EFR3B: variants seen among roughly 807,000 people sequenced by gnomAD.
EFR3B encodes the protein protein EFR3 homolog B.
Under a neutral mutation model 104.7 loss-of-function variants are expected in EFR3B, and 64 were observed. The observed-to-expected ratio is 0.61, with a 90% CI of 0.50 to 0.75. The LOEUF (loss-of-function observed/expected upper bound fraction) is 0.75, where lower values mean the gene tolerates loss of function less well. EFR3B is among the 30% of genes least tolerant of loss of function. The probability of loss-of-function intolerance (pLI) is 0.00; values close to 1 mark genes in which losing one functional copy is unlikely to be tolerated. For missense variants in EFR3B, 750 were observed against 1,078.5 expected, an observed-to-expected ratio of 0.70 and a Z score of 4.27; for synonymous variants, 385 against 417.9, an observed-to-expected ratio of 0.92 and a Z score of 0.96.
intron 1 of EFR3B, among the ~76,000 whole-genome samples, chr2:25,073,758 C>T (rs949674182): frequency 3.3e-5 from 5 of 152,110 alleles, no homozygotes; most frequent in African/African-American, 1.2e-4. Flanking sequence ...GCATGTGTGC[C>T]CCTTTGCTCA....
Position 25,130,583 on chromosome 2 carries a change from A to C in EFR3B, c.802A>C (p.Lys268Gln). The change falls in exon 8 of 23, where the codon AAG becomes CAG. Residue 268 changes from lysine to glutamine, a missense_variant. Transcript: ENST00000403714. This position sits in a 1 kb window ranked among gnomAD's most constrained non-coding sequence, Gnocchi z 4.6. The part of the protein sequence containing the change: ...HLDNHSLWEP[K>Q]VFAIRCFKII... ...GGATAACCATTCTCTTTGGGAACCC[A>C]AGGTGTTTGCCATCCGTTGCTTTAA... 6.4e-7 allele frequency: 1 copy of C among 1,551,708 alleles called. No individual in the cohort carries two copies. Among genetic ancestry groups the C allele is most frequent in the South Asian group, 1.2e-5 (1 of 84,058 alleles).
At chr2:25,045,761 A>G (rs1188034681) in intron 1 of EFR3B, among the ~76,000 whole-genome samples, 2 of 151,472 alleles carry the variant, frequency 1.3e-5, no homozygotes, top group Non-Finnish European at 1.5e-5. Context: ...CCAGCCTGGG[A>G]GACAAGAGCG....
chr2:25,106,723 A>C (rs1047308648), intron 4 of EFR3B, among the ~76,000 whole-genome samples: 2 of 151,720 alleles, frequency 1.3e-5, no homozygotes, highest in South Asian at 4.2e-4. Context: ...GATTACAGGC[A>C]TGAGCTACAG....
intron 1 of EFR3B, among the ~76,000 whole-genome samples, chr2:25,046,253 C>T (rs915935494): frequency 3.9e-4 from 59 of 151,960 alleles, no homozygotes; most frequent in Admixed American, 3.1e-3. Flanking sequence ...GGCATGGTGG[C>T]GTGCACCTGT....
chr2:25,097,681 A>G (rs2149188112), intron 3 of EFR3B, among the ~76,000 whole-genome samples: 1 of 152,324 alleles, frequency 6.6e-6, no homozygotes, highest in African/African-American at 2.4e-5. Context: ...TGGGCATGCA[A>G]TATGATGGGC....
In EFR3B at chr2:25,137,220, C is replaced by A. The variant is rs1670539297; in HGVS notation, c.1561-121C>A. On this transcript the variant is annotated intron_variant, in intron 14 of 22. Transcript: ENST00000403714. This position sits in a 1 kb window ranked among gnomAD's most constrained non-coding sequence, Gnocchi z 4.7. The stretch of plus-strand genomic sequence containing the variant: ...GCCCGCTTTAAAGGCATCCCCTCCC[C>A]AAGGGAGGAGGGGGCACACAGCCAT... 3 of 1,190,452 alleles carry A rather than the reference C, an allele frequency of 2.5e-6. No individual in the cohort carries two copies. The highest frequency in any genetic ancestry group is 3.5e-6 in the Non-Finnish European group (3 of 853,328). The allele number at this position is 1,190,452 out of a possible 1,614,324, so 73.7% of individuals were successfully genotyped here.
intron 16 of EFR3B, among the ~76,000 whole-genome samples, 192 bp downstream of exon 16, chr2:25,139,382 G>T (rs1670601064): frequency 6.6e-6 from 1 of 151,768 alleles, no homozygotes; most frequent in African/African-American, 2.4e-5. Context: ...GCAGGGTGGG[G>T]TTAGGCACAG....
At chr2:25,057,364 G>A (rs984647616) in intron 1 of EFR3B, among the ~76,000 whole-genome samples, 11 of 151,620 alleles carry the variant, frequency 7.3e-5, no homozygotes, top group Admixed American at 7.2e-4. Flanking sequence ...TTTCAGATAA[G>A]TTAAATGCCT....
chr2:25,089,798 C>T (rs528022859), intron 1 of EFR3B, among the ~76,000 whole-genome samples: 5 of 152,274 alleles, frequency 3.3e-5, no homozygotes, highest in South Asian at 2.1e-4. Context: ...GCATGCAGCC[C>T]GCCCACTGGT....
chr2:25,091,714 C>T (rs1042161904), intron 2 of EFR3B, among the ~76,000 whole-genome samples: 3 of 152,252 alleles, frequency 2.0e-5, no homozygotes, highest in Non-Finnish European at 2.9e-5. Flanking sequence ...GTGATTGCCT[C>T]TGGAGCTGCT....
At chr2:25,065,346 AT>A (rs749717958) in intron 1 of EFR3B, among the ~76,000 whole-genome samples, 11,253 of 93,384 alleles carry the variant, frequency 0.12, 525 homozygotes, top group African/African-American at 0.17. Flanking sequence ...ACACCCAGCT[AT>A]TTTTTTTTTT....
In EFR3B at chr2:25,137,623, T is replaced by G. The variant is rs1404342593; in HGVS notation, c.1722+121T>G. On this transcript the variant is annotated intron_variant, in intron 15 of 22. Coordinates refer to ENST00000403714, the MANE Select transcript of EFR3B (RefSeq NM_014971.2). The surrounding 1 kb of genome is among the most constrained non-coding windows in gnomAD (Gnocchi z 4.7). ...ACACTGTTTTGGAGCCCAGGAATAT[T>G]GTACTCGTGGTTGGCCACGCCTCCC... 4.2e-6 allele frequency: 6 copies of G among 1,417,882 alleles called. No homozygotes were observed. Among genetic ancestry groups the G allele is most frequent in the Non-Finnish European group, 5.7e-6 (6 of 1,056,390 alleles). 87.8% of individuals were successfully genotyped at this position (1,417,882 alleles called of 1,614,324 possible).
intron 1 of EFR3B, among the ~76,000 whole-genome samples, chr2:25,066,907 A>C (rs62143002): frequency 6.6e-6 from 1 of 152,204 alleles, no homozygotes; most frequent in African/African-American, 2.4e-5. Flanking sequence ...TGTGTGCTTT[A>C]ACTCCAAGAT....
At chr2:25,127,765 T>C (rs762794070) in intron 5 of EFR3B, among the ~76,000 whole-genome samples, 5 of 152,168 alleles carry the variant, frequency 3.3e-5, no homozygotes, top group Non-Finnish European at 5.9e-5. Flanking sequence ...TGCAGCTCTG[T>C]GCCTCTCCCT....
At chr2:25,077,359 C>T (rs1668664667) in intron 1 of EFR3B, among the ~76,000 whole-genome samples, 1 of 152,172 alleles carries the variant, frequency 6.6e-6, no homozygotes, top group Non-Finnish European at 1.5e-5. Context: ...ACGATCTCAG[C>T]TCATTGCAAC....
intron 6 of EFR3B, 127 bp downstream of exon 6, chr2:25,128,459 G>C: frequency 3.2e-6 from 4 of 1,241,290 alleles, no homozygotes; most frequent in Non-Finnish European, 4.4e-6. Flanking sequence ...TTTGTGGCTT[G>C]TTCTGCAGTG....
intron 1 of EFR3B, chr2:25,080,314 G>A (rs143173225): frequency 2.9e-6 from 1 of 347,458 alleles, no homozygotes; most frequent in Non-Finnish European, 4.0e-6. Flanking sequence ...TTTTTTTTGA[G>A]ATGGAGTTTT....
chr2:25,100,550 T>C (rs1669403948), intron 3 of EFR3B, among the ~76,000 whole-genome samples: 1 of 152,182 alleles, frequency 6.6e-6, no homozygotes. Flanking sequence ...CGGAGTGCAG[T>C]GGCGCTATCT....
intron 1 of EFR3B, among the ~76,000 whole-genome samples, chr2:25,086,376 C>T (rs1482209702): frequency 6.6e-6 from 1 of 152,178 alleles, no homozygotes; most frequent in Non-Finnish European, 1.5e-5. Context: ...TTTGCATTCC[C>T]ACCAGCAATG....
Sources: gnomAD v4.1 joint callset for allele counts (sites outside exome capture counted in the v4.1 genomes callset) on GRCh38, gnomAD v4.1.1 for gene constraint, Gnocchi (gnomAD v3.1) non-coding constraint, MANE v1.5 for transcripts, NCBI Gene and HGNC (gene_info 2026-07-23, HGNC 2026-07-21) for gene names.